The following LHX9 variants were observed in gnomAD, a reference collection of about 807,000 sequenced individuals.
LHX9 encodes LIM/homeobox protein Lhx9.
Under a neutral mutation model 36.5 loss-of-function variants are expected in LHX9, and 9 were observed. That is an observed-to-expected ratio of 0.25 (90% CI 0.15 to 0.43). The LOEUF (loss-of-function observed/expected upper bound fraction) is 0.43, where lower values mean the gene tolerates loss of function less well. Among genes scored for constraint, LHX9 ranks in the 20% least tolerant of loss-of-function variants. The pLI, the probability that LHX9 is intolerant of heterozygous loss-of-function variation, is 1.00. For missense variants in LHX9, 464 were observed against 526.4 expected (o/e 0.88, Z 1.16); for synonymous variants, 211 against 212.1 (o/e 0.99, Z 0.04).
chr1:197,932,106 T>C lies in LHX9; in HGVS notation c.*2847T>C. The C allele has an allele frequency of 1.6e-6, 1 of 610,534 alleles. No homozygotes were observed. Among genetic ancestry groups the C allele is most frequent in the Non-Finnish European group, 2.8e-6 (1 of 351,674 alleles). 37.8% of individuals were successfully genotyped at this position (610,534 alleles called of 1,614,324 possible). ...AAAAAGAGAGAGAGAGAGACTTAAA[T>C]GTCATTTACTGAATGTTAACGAAAC... is the stretch of plus-strand genomic sequence containing the variant. On this transcript the variant is annotated 3_prime_UTR_variant, in exon 5 of 5. Coordinates refer to ENST00000367387, the MANE Select transcript of LHX9 (RefSeq NM_020204.3).
chr1:197,921,756 T>C lies in LHX9; in HGVS notation c.733+97T>C. ...TCCAAAGTCTTGCTGCAAGAGTGTG[T>C]TTTGCCCAATGCCTCTGTTCTCACT... On this transcript the variant is annotated intron_variant, in intron 3 of 4. Coordinates refer to ENST00000367387, the MANE Select transcript of LHX9 (RefSeq NM_020204.3). This position sits in a 1 kb window ranked among gnomAD's most constrained non-coding sequence, Gnocchi z 4.6. The C allele has an allele frequency of 9.9e-7, 1 of 1,012,350 alleles. No homozygotes were observed. Among genetic ancestry groups the C allele is most frequent in the Non-Finnish European group, 1.4e-6 (1 of 708,528 alleles). 62.7% of individuals were successfully genotyped at this position (1,012,350 alleles called of 1,614,324 possible).
chr1:197,925,057 G>A (rs1202417785), intron 3 of LHX9, among the ~76,000 whole-genome samples: 1 of 111,238 alleles, frequency 9.0e-6, no homozygotes, highest in Non-Finnish European at 1.8e-5. Flanking sequence ...CTATTAAGTT[G>A]CATAATATGA....
At chr1:197,922,572 C>G (rs1181924496) in intron 3 of LHX9, among the ~76,000 whole-genome samples, 4 of 152,122 alleles carry the variant, frequency 2.6e-5, no homozygotes, top group African/African-American at 9.7e-5. Context: ...TAATCTAACT[C>G]TGAGCAGAAC....
intron 4 of LHX9, among the ~76,000 whole-genome samples, 172 bp from the exon 5 acceptor site, chr1:197,928,829 GA>G (rs1432153571): frequency 1.3e-3 from 103 of 80,938 alleles, no homozygotes; most frequent in African/African-American, 3.9e-3. Flanking sequence ...TAAAAGAAAA[GA>G]AAAAAAAGCC....
rs981529886 is a variant in LHX9, at chr1:197,933,310, C to T, written c.*4051C>T. 1 of 151,944 alleles carries T rather than the reference C, an allele frequency of 6.6e-6. No individual in the cohort carries two copies. The highest frequency in any genetic ancestry group is 1.9e-4 in the East Asian group (1 of 5,194). 9.4% of individuals were successfully genotyped at this position (151,944 alleles called of 1,614,324 possible). On this transcript the variant is annotated 3_prime_UTR_variant, in exon 5 of 5. Transcript: ENST00000367387. ...AGAATTTTGAATGTTTTCTTAAATG[C>T]TTTCACTTCCTGAATAATAAAAAGA... is the stretch of plus-strand genomic sequence containing the variant.
upstream of LHX9, chr1:197,917,123 C>T (rs1053437275): frequency 2.8e-5 from 9 of 320,502 alleles, no homozygotes; most frequent in Non-Finnish European, 3.1e-5. Flanking sequence ...TGTGCGCGCG[C>T]GCGCGCGTGT....
intron 3 of LHX9, among the ~76,000 whole-genome samples, chr1:197,924,079 G>A (rs1216708136): frequency 6.6e-6 from 1 of 152,114 alleles, no homozygotes; most frequent in African/African-American, 2.4e-5. Context: ...CCAGAAATCA[G>A]GCCATCATTT....
chr1:197,923,549 T>C (rs1297336017), intron 3 of LHX9, among the ~76,000 whole-genome samples: 1 of 150,190 alleles, frequency 6.7e-6, no homozygotes, highest in South Asian at 2.1e-4. Context: ...CATAAACTAG[T>C]GAGTTTTTTT....
At position 197,921,743 on chromosome 1, in the gene LHX9, C is replaced by A; in HGVS notation, c.733+84C>A. The A allele has an allele frequency of 8.5e-7, 1 of 1,176,986 alleles. No individual in the cohort carries two copies. Among genetic ancestry groups the A allele is most frequent in the Non-Finnish European group, 1.2e-6 (1 of 855,590 alleles). 72.9% of individuals were successfully genotyped at this position (1,176,986 alleles called of 1,614,324 possible). On this transcript the variant is annotated intron_variant, in intron 3 of 4. Coordinates refer to ENST00000367387, the MANE Select transcript of LHX9 (RefSeq NM_020204.3). The surrounding 1 kb of genome is among the most constrained non-coding windows in gnomAD (Gnocchi z 4.6). ...AGCTCCTTCCCCGTCCAAAGTCTTG[C>A]TGCAAGAGTGTGTTTTGCCCAATGC... is the stretch of plus-strand genomic sequence containing the variant.
chr1:197,923,545 C>T (rs1660057075), intron 3 of LHX9, among the ~76,000 whole-genome samples: 1 of 151,250 alleles, frequency 6.6e-6, no homozygotes, highest in African/African-American at 2.4e-5. Context: ...CATACATAAA[C>T]TAGTGAGTTT....
chr1:197,929,162 C>A lies in LHX9; in HGVS notation c.1097C>A (p.Thr366Asn). Reference sequence around the variant, plus strand: ...ACTGCGACCACTTTAACAGACCTGACCAATCCCACTATCACTGTAGTGACA... The same window carrying A: ...ACTGCGACCACTTTAACAGACCTGAACAATCCCACTATCACTGTAGTGACA... ...PGTATTLTDL[T>N]NPTITVVTSV... The change falls in exon 5 of 5, where the codon ACC (threonine) becomes AAC (asparagine). Residue 366 changes from threonine (T) to asparagine (N), a missense_variant. By Grantham distance (65) the Thr-to-Asn change is moderately conservative. Around this residue, in one of 5 missense-constraint regions of LHX9, gnomAD observed 102 missense variants for 97.0 expected, o/e 1.05. Transcript: ENST00000367387. 1.2e-6 allele frequency: 2 copies of A among 1,613,058 alleles called. No homozygotes were observed. The highest frequency in any genetic ancestry group is 1.7e-6 in the Non-Finnish European group (2 of 1,179,698).
Position 197,917,893 on chromosome 1 carries a change from G to C in LHX9, c.70G>C (p.Gly24Arg), listed in dbSNP as rs746077703. Residue 24 changes from glycine to arginine, a missense_variant, in exon 1 of 5, where the codon GGG becomes CGG. Transcript: ENST00000367387. ...PFRPPAMLFHGISGGHIQGIM... is the reference protein window; with the variant it reads ...PFRPPAMLFHRISGGHIQGIM... ...CCGCCCCCCAGCCATGCTCTTTCAC[G>C]GGATCTCCGGAGGCCACATCCAAGG... The C allele has an allele frequency of 5.6e-6, 9 of 1,614,182 alleles. No homozygotes were observed. Among genetic ancestry groups the C allele is most frequent in the South Asian group, 1.1e-5 (1 of 91,090 alleles).
intron 1 of LHX9, among the ~76,000 whole-genome samples, chr1:197,919,370 A>G (rs1031511704): frequency 2.6e-5 from 4 of 152,190 alleles, no homozygotes; most frequent in Non-Finnish European, 4.4e-5. Flanking sequence ...CACTTTACAC[A>G]TTTATTGGGA....
chr1:197,915,841 C>T (rs1419546372), upstream of LHX9: 3 of 152,270 alleles, frequency 2.0e-5, no homozygotes, highest in African/African-American at 7.2e-5. Context: ...TTCTTCTCAT[C>T]CTCTCACTTC....
rs1344559057 is a variant in LHX9 at position 197,932,613 on chromosome 1, A to G, written c.*3354A>G. The G allele has an allele frequency of 6.6e-6, 1 of 152,082 alleles. No individual in the cohort carries two copies. Among genetic ancestry groups the G allele is most frequent in the Non-Finnish European group, 1.5e-5 (1 of 67,930 alleles). 9.4% of individuals were successfully genotyped at this position (152,082 alleles called of 1,614,324 possible). A position where few individuals can be genotyped will look rare whatever the true frequency, so the allele number is the denominator to read the frequency against. On this transcript the variant is annotated 3_prime_UTR_variant, in exon 5 of 5. Coordinates refer to ENST00000367387, the MANE Select transcript of LHX9 (RefSeq NM_020204.3). ...ACATAGTTAACTTTATGTTAAACAC[A>G]TGCTGTTGAAATTAATTTTGAACAC...
upstream of LHX9, among the ~76,000 whole-genome samples, chr1:197,914,657 G>A (rs534036661): frequency 1.4e-4 from 22 of 152,206 alleles, no homozygotes; most frequent in Middle Eastern, 3.4e-3. Context: ...GTGAGAGAAG[G>A]CAGGGCTGGA....
At chr1:197,920,529 G>A (rs1182370624) in intron 2 of LHX9, among the ~76,000 whole-genome samples, 1 of 152,100 alleles carries the variant, frequency 6.6e-6, no homozygotes, top group Non-Finnish European at 1.5e-5. Context: ...TACGAATTGG[G>A]CAAGTTCTGC....
intron 2 of LHX9, 130 bp downstream of exon 2, chr1:197,920,304 G>T: frequency 1.9e-6 from 1 of 535,798 alleles, no homozygotes; most frequent in South Asian, 1.7e-5. Context: ...CGGAGACCAG[G>T]CAAACCCACT....
chr1:197,920,310 C>A, intron 2 of LHX9, 136 bp downstream of exon 2: 1 of 729,346 alleles, frequency 1.4e-6, no homozygotes, highest in East Asian at 2.6e-5. Flanking sequence ...CCAGGCAAAC[C>A]CACTGCATAT....
Sources: gnomAD v4.1 joint callset for allele counts (sites outside exome capture counted in the v4.1 genomes callset) on GRCh38, gnomAD v4.1.1 for gene constraint, gnomAD v4.1.1 regional missense constraint, Gnocchi (gnomAD v3.1) non-coding constraint, MANE v1.5 for transcripts, NCBI Gene and HGNC (gene_info 2026-07-23, HGNC 2026-07-21) for gene names.